KIAA0825: variants seen among roughly 807,000 people sequenced by gnomAD.
KIAA0825 encodes KIAA0825.
Under a neutral mutation model 147.6 loss-of-function variants are expected in KIAA0825, and 119 were observed. The observed-to-expected ratio is 0.81, with a 90% CI of 0.69 to 0.94. The LOEUF (loss-of-function observed/expected upper bound fraction) is 0.94. Ranked by LOEUF, KIAA0825 falls within the 40% of genes least tolerant of loss-of-function variation. The pLI is 0.00. For missense variants in KIAA0825, 1,381 were observed against 1,472.7 expected (o/e 0.94, Z 1.02); for synonymous variants, 470 against 518.1 (o/e 0.91, Z 1.26).
At chr5:94,314,070 C>A (rs1282159186) in intron 20 of KIAA0825, among the ~76,000 whole-genome samples, 1 of 151,542 alleles carries the variant, frequency 6.6e-6, no homozygotes, top group Non-Finnish European at 1.5e-5. Flanking sequence ...ATAAACCCTG[C>A]AAGACAGTTT....
At chr5:94,413,287 G>C (rs916037511) in intron 15 of KIAA0825, 11 of 152,020 alleles carry the variant, frequency 7.2e-5, no homozygotes, top group Non-Finnish European at 1.5e-4. Flanking sequence ...ATGGTTCCTG[G>C]AATGAATTCC....
chr5:94,475,382 A>AT (rs1761751851), intron 7 of KIAA0825, among the ~76,000 whole-genome samples: 1 of 147,564 alleles, frequency 6.8e-6, no homozygotes, highest in Admixed American at 6.6e-5. Flanking sequence ...GCTGTATTGA[A>AT]TTTTTAAAAA....
intron 2 of KIAA0825, among the ~76,000 whole-genome samples, chr5:94,547,001 C>T (rs1774542442): frequency 1.3e-5 from 2 of 151,706 alleles, no homozygotes; most frequent in Admixed American, 6.6e-5. Context: ...TATCAGATAA[C>T]TTTAACAAAG....
intron 20 of KIAA0825, among the ~76,000 whole-genome samples, chr5:94,184,835 C>T (rs1562300525): frequency 6.6e-6 from 1 of 152,118 alleles, no homozygotes; most frequent in Non-Finnish European, 1.5e-5. Context: ...ACCTTCTGTA[C>T]TTTGTCAATG....
At chr5:94,329,934 C>G (rs191705430) in intron 20 of KIAA0825, among the ~76,000 whole-genome samples, 3 of 152,230 alleles carry the variant, frequency 2.0e-5, no homozygotes. Context: ...TGGGTGAGTT[C>G]TGCAGACAGA....
In KIAA0825 at chr5:94,596,592, G is replaced by GT. The variant is rs1585000274; in HGVS notation, c.-152-14010dup. Among the ~76,000 whole-genome samples the GT allele has an allele frequency of 3.3e-5, 5 of 152,236 alleles. No homozygotes were observed. The East Asian group carries it at 5.8e-4, about 18-fold the overall frequency. ...TTTGTTCCATAGGAATTTTAAAATAGTTTTTTTCTAGTCTCTGAAGAATGT... is the reference window on the plus strand; with the variant it reads ...TTTGTTCCATAGGAATTTTAAAATAGTTTTTTTTCTAGTCTCTGAAGAATGT... On this transcript the variant is annotated intron_variant, in intron 1 of 20. Transcript: ENST00000682413.
chr5:94,583,735 T>C (rs1285694907), intron 1 of KIAA0825, among the ~76,000 whole-genome samples: 1 of 152,198 alleles, frequency 6.6e-6, no homozygotes, highest in African/African-American at 2.4e-5. Flanking sequence ...AGTGGGTCCC[T>C]GACCCCTGTG....
At chr5:94,444,219 T>A (rs1451410090) in intron 13 of KIAA0825, among the ~76,000 whole-genome samples, 1 of 152,072 alleles carries the variant, frequency 6.6e-6, no homozygotes, top group African/African-American at 2.4e-5. Flanking sequence ...TGGGGTGGGA[T>A]GGGGGTATAC....
chr5:94,372,609 C>A (rs1485513011), intron 20 of KIAA0825, among the ~76,000 whole-genome samples: 1 of 152,214 alleles, frequency 6.6e-6, no homozygotes, highest in Non-Finnish European at 1.5e-5. Context: ...TGTCCCAGGG[C>A]TGCACAGAGG....
At chr5:94,404,586 ATAGAGTAACAGCCC>A (rs1751807028) in intron 15 of KIAA0825, among the ~76,000 whole-genome samples, 1 of 152,192 alleles carries the variant, frequency 6.6e-6, no homozygotes, top group Admixed American at 6.5e-5. Flanking sequence ...CATAGGAAGA[ATAGAGTAACAGCCC>A]TAAAACCCAG....
At chr5:94,164,568 C>T (rs766353106) in intron 20 of KIAA0825, among the ~76,000 whole-genome samples, 39 of 151,970 alleles carry the variant, frequency 2.6e-4, no homozygotes, top group Admixed American at 1.3e-3. Flanking sequence ...CGTGCCACCA[C>T]GTCCGGCTAA....
chr5:94,191,400 C>G (rs1770666051), intron 20 of KIAA0825, among the ~76,000 whole-genome samples: 1 of 152,036 alleles, frequency 6.6e-6, no homozygotes, highest in Non-Finnish European at 1.5e-5. Flanking sequence ...CAAAATGAAA[C>G]AATTCATCAT....
At chr5:94,426,561 G>A (rs924022531) in intron 14 of KIAA0825, among the ~76,000 whole-genome samples, 5 of 152,146 alleles carry the variant, frequency 3.3e-5, no homozygotes, top group Admixed American at 6.5e-5. Flanking sequence ...AATAGCGTGC[G>A]GGTCAGAGGC....
intron 20 of KIAA0825, among the ~76,000 whole-genome samples, chr5:94,258,900 A>T (rs760359011): frequency 6.6e-6 from 1 of 152,046 alleles, no homozygotes; most frequent in East Asian, 1.9e-4. Context: ...GAAGGTTGCT[A>T]TGCCATTTTG....
At chr5:94,304,809 C>A (rs897801481) in intron 20 of KIAA0825, among the ~76,000 whole-genome samples, 13 of 151,930 alleles carry the variant, frequency 8.6e-5, no homozygotes, top group Non-Finnish European at 1.5e-4. Flanking sequence ...TATGACATTC[C>A]AAGTTCATAA....
intron 15 of KIAA0825, among the ~76,000 whole-genome samples, chr5:94,404,648 C>A (rs964791851): frequency 6.6e-6 from 1 of 152,062 alleles, no homozygotes; most frequent in African/African-American, 2.4e-5. Flanking sequence ...TCATTATCAG[C>A]ATAAGTGAGA....
At chr5:94,396,640 C>T in intron 16 of KIAA0825, 131 bp from the exon 17 acceptor site, 1 of 594,602 alleles carries the variant, frequency 1.7e-6, no homozygotes. Flanking sequence ...TGACATATTC[C>T]AACAGAACTC....
intron 20 of KIAA0825, among the ~76,000 whole-genome samples, chr5:94,155,691 C>T (rs1424079221): frequency 1.3e-5 from 2 of 152,270 alleles, no homozygotes; most frequent in South Asian, 2.1e-4. Context: ...CCTCTGCCTA[C>T]GATTCTCCTC....
intron 2 of KIAA0825, among the ~76,000 whole-genome samples, chr5:94,560,778 A>C (rs919873047): frequency 6.6e-6 from 1 of 152,208 alleles, no homozygotes; most frequent in Non-Finnish European, 1.5e-5. Flanking sequence ...TTTCTTGCTG[A>C]AAAACCTCCC....
Sources: allele counts gnomAD v4.1 joint callset (sites outside exome capture counted in the v4.1 genomes callset), GRCh38; gene constraint gnomAD v4.1.1; transcripts MANE v1.5; gene names NCBI Gene and HGNC (gene_info 2026-07-23, HGNC 2026-07-21).